CTNNA3: variants seen among roughly 807,000 people sequenced by gnomAD.
The protein encoded by CTNNA3 is catenin alpha 3.
A neutral mutation model predicts 95.7 loss-of-function variants in CTNNA3; 76 were observed. That is an observed-to-expected ratio of 0.79 (90% CI 0.66 to 0.96). The LOEUF (loss-of-function observed/expected upper bound fraction) is 0.96. CTNNA3 is among the 40% of genes least tolerant of loss of function. The pLI is 0.00. For missense variants in CTNNA3, 1,191 were observed against 1,089.8 expected, an observed-to-expected ratio of 1.09 and a Z score of -1.31; for synonymous variants, 431 against 374.4, an observed-to-expected ratio of 1.15 and a Z score of -1.74.
chr10:66,334,335 C>A (rs564545175), intron 12 of CTNNA3, among the ~76,000 whole-genome samples: 1 of 152,024 alleles, frequency 6.6e-6, no homozygotes, highest in Admixed American at 6.5e-5. Context: ...ATAGTCTTTA[C>A]AATTTGGCAT....
At chr10:65,962,559 A>T (rs1229222803) in intron 17 of CTNNA3, among the ~76,000 whole-genome samples, 1 of 149,682 alleles carries the variant, frequency 6.7e-6, no homozygotes, top group Admixed American at 6.7e-5. Flanking sequence ...TCTTAGACTA[A>T]TTTTTTTTTT....
At chr10:67,162,771 AAAGAG>A (rs1275607273) in intron 7 of CTNNA3, among the ~76,000 whole-genome samples, 1 of 151,882 alleles carries the variant, frequency 6.6e-6, no homozygotes, top group Non-Finnish European at 1.5e-5. Flanking sequence ...AACAAAAATA[AAAGAG>A]AAGATACAAA....
At chr10:66,914,291 C>G (rs28529349) in intron 7 of CTNNA3, among the ~76,000 whole-genome samples, 4 of 151,800 alleles carry the variant, frequency 2.6e-5, no homozygotes, top group African/African-American at 9.7e-5. Flanking sequence ...CTACCACGGC[C>G]GGAGAATTTT....
At chr10:67,544,301 T>C (rs896480880) in intron 3 of CTNNA3, among the ~76,000 whole-genome samples, 12 of 152,036 alleles carry the variant, frequency 7.9e-5, no homozygotes, top group Admixed American at 2.6e-4. Context: ...AAAATGGTTA[T>C]AAGGCACTGG....
At chr10:66,332,526 C>T (rs966846414) in intron 12 of CTNNA3, among the ~76,000 whole-genome samples, 16 of 151,928 alleles carry the variant, frequency 1.1e-4, no homozygotes, top group Non-Finnish European at 1.8e-4. Flanking sequence ...CACTGGATTA[C>T]GTTTATTGAT....
chr10:66,908,739 TTTC>T (rs1463299766), intron 7 of CTNNA3, among the ~76,000 whole-genome samples: 18 of 152,286 alleles, frequency 1.2e-4, no homozygotes, highest in Non-Finnish European at 2.5e-4. Flanking sequence ...AATTCAGGTT[TTTC>T]CCCTGTAAGT....
At chr10:66,673,666 C>T (rs1846743994) in intron 9 of CTNNA3, among the ~76,000 whole-genome samples, 1 of 152,004 alleles carries the variant, frequency 6.6e-6, no homozygotes, top group African/African-American at 2.4e-5. Flanking sequence ...AATACAGCCA[C>T]ATCGTCAAAG....
intron 6 of CTNNA3, among the ~76,000 whole-genome samples, chr10:67,198,234 G>T (rs1409058072): frequency 6.6e-6 from 1 of 151,980 alleles, no homozygotes; most frequent in Non-Finnish European, 1.5e-5. Flanking sequence ...ATATCCTTTA[G>T]GTATCTAGGT....
intron 9 of CTNNA3, among the ~76,000 whole-genome samples, chr10:66,650,281 T>A (rs1248092398): frequency 2.0e-5 from 3 of 152,144 alleles, no homozygotes; most frequent in African/African-American, 7.2e-5. Context: ...GCAAAACAAG[T>A]CTTAACAAAT....
chr10:66,298,963 T>C (rs1435685392), intron 12 of CTNNA3, among the ~76,000 whole-genome samples: 1 of 152,142 alleles, frequency 6.6e-6, no homozygotes, highest in Non-Finnish European at 1.5e-5. Flanking sequence ...CTACTTGAAG[T>C]CATCCCTCTG....
At chr10:66,587,566 G>A (rs1207585007) in intron 10 of CTNNA3, among the ~76,000 whole-genome samples, 5 of 152,190 alleles carry the variant, frequency 3.3e-5, no homozygotes, top group South Asian at 2.1e-4. Flanking sequence ...CACAAGCAGC[G>A]GCCCCAGTGA....
intron 15 of CTNNA3, among the ~76,000 whole-genome samples, chr10:66,000,085 G>A (rs35627079): frequency 0.019 from 2,862 of 152,120 alleles, 36 homozygotes; most frequent in Non-Finnish European, 0.03. Flanking sequence ...AAAGTAAAAT[G>A]TAATAAAGAT....
At chr10:65,998,759 A>T (rs2078714810) in intron 15 of CTNNA3, among the ~76,000 whole-genome samples, 1 of 152,212 alleles carries the variant, frequency 6.6e-6, no homozygotes, top group South Asian at 2.1e-4. Flanking sequence ...CCCTAATATT[A>T]AATCCAATAA....
At position 66,645,026 on chromosome 10, in the gene CTNNA3, G is replaced by T. The variant is rs567609599; in HGVS notation, c.1282-23242C>A. On this transcript the variant is annotated intron_variant, in intron 9 of 17. Transcript: ENST00000433211. ...AATTATATAGTATGTAATCTTTTGG[G>T]ATTTTTTTCATAACATAATTCTTGG... Among the ~76,000 whole-genome samples the T allele has an allele frequency of 2.0e-5, 3 of 152,056 alleles. No individual in the cohort carries two copies. The South Asian group carries it at 6.2e-4, about 32-fold the overall frequency.
At chr10:67,367,687 T>C (rs1365027921) in intron 5 of CTNNA3, among the ~76,000 whole-genome samples, 1 of 152,150 alleles carries the variant, frequency 6.6e-6, no homozygotes, top group African/African-American at 2.4e-5. Context: ...AAAAGTGAAC[T>C]GGATAAAGAA....
intron 7 of CTNNA3, among the ~76,000 whole-genome samples, chr10:66,828,059 A>G (rs1483009659): frequency 6.6e-6 from 1 of 152,246 alleles, no homozygotes; most frequent in Non-Finnish European, 1.5e-5. Flanking sequence ...AAGCAAAAGC[A>G]AATGAAAAAT....
intron 5 of CTNNA3, among the ~76,000 whole-genome samples, chr10:67,256,824 A>G (rs1866369377): frequency 6.6e-6 from 1 of 152,206 alleles, no homozygotes; most frequent in African/African-American, 2.4e-5. Flanking sequence ...CAAAAACTTC[A>G]GTATCATGGA....
intron 13 of CTNNA3, among the ~76,000 whole-genome samples, chr10:66,179,355 C>T (rs1270371392): frequency 6.6e-6 from 1 of 151,958 alleles, no homozygotes; most frequent in East Asian, 1.9e-4. Context: ...TAATGGTTGA[C>T]ACTGGTTGAG....
intron 17 of CTNNA3, among the ~76,000 whole-genome samples, chr10:65,922,162 C>A (rs2077097554): frequency 6.6e-6 from 1 of 152,100 alleles, no homozygotes; most frequent in African/African-American, 2.4e-5. Flanking sequence ...CCAAGAATAT[C>A]CTACTTCCAA....
Sources: allele counts gnomAD v4.1 joint callset (sites outside exome capture counted in the v4.1 genomes callset), GRCh38; gene constraint gnomAD v4.1.1; transcripts MANE v1.5; gene names NCBI Gene and HGNC (gene_info 2026-07-23, HGNC 2026-07-21).